The following GSN variants were observed in gnomAD, a reference collection of about 807,000 sequenced individuals.
GSN encodes the protein gelsolin.
GSN carries 56 observed loss-of-function variants against 85.7 expected under a neutral mutation model. The ratio of observed to expected loss-of-function variants is 0.65; its 90% CI spans 0.53 to 0.82. The LOEUF (loss-of-function observed/expected upper bound fraction) is 0.82, where lower values mean the gene tolerates loss of function less well. Ranked by LOEUF, GSN falls within the 40% of genes least tolerant of loss-of-function variation. The pLI is 0.00. For missense variants in GSN, 857 were observed against 979.8 expected (o/e 0.87, Z 1.67); for synonymous variants, 373 against 399.1 (o/e 0.93, Z 0.78).
chr9:121,318,528 G>A lies in GSN; in HGVS notation c.975+34G>A. The A allele has an allele frequency of 1.3e-6, 2 of 1,557,480 alleles. No individual in the cohort carries two copies. The highest frequency in any genetic ancestry group is 1.8e-6 in the Non-Finnish European group (2 of 1,128,272). ...TGGAGGCCAGGTAGGATGGGAAGGG[G>A]TGGGTCCTGTTTGGAGGGGATGGGC... On this transcript the variant is annotated intron_variant, in intron 9 of 17. Coordinates refer to ENST00000432226, the MANE Select transcript of GSN (RefSeq NM_198252.3). The surrounding 1 kb of genome is among the most constrained non-coding windows in gnomAD (Gnocchi z 4.3).
rs2064082505 is a variant in GSN at position 121,332,611 on chromosome 9, C to A, written c.*8C>A. 1 of 1,610,472 alleles carries A rather than the reference C, an allele frequency of 6.2e-7. No individual in the cohort carries two copies. The highest frequency in any genetic ancestry group is 8.5e-7 in the Non-Finnish European group (1 of 1,177,980). On this transcript the variant is annotated 3_prime_UTR_variant, in exon 18 of 18. Coordinates refer to ENST00000432226, the MANE Select transcript of GSN (RefSeq NM_198252.3). The surrounding 1 kb of genome is among the most constrained non-coding windows in gnomAD (Gnocchi z 4.8). ...GCTGAGCTGGCTGCCTGAGGAGGGG[C>A]AGGGCCCACCCATGTCACCGGTCAG...
At chr9:121,288,212 G>A (rs1190614058) in intron 2 of GSN, among the ~76,000 whole-genome samples, 1 of 152,120 alleles carries the variant, frequency 6.6e-6, no homozygotes, top group Non-Finnish European at 1.5e-5. Flanking sequence ...ATAGGCATGA[G>A]CCACCTCACC....
At chr9:121,259,778 G>A (rs2055042674) in intron 6 of GSN, among the ~76,000 whole-genome samples, 1 of 152,206 alleles carries the variant, frequency 6.6e-6, no homozygotes, top group Non-Finnish European at 1.5e-5. Context: ...AAGCCAGACT[G>A]CATCTGCTGT....
intron 1 of GSN, among the ~76,000 whole-genome samples, chr9:121,276,169 A>C (rs908222833): frequency 6.6e-6 from 1 of 152,228 alleles, no homozygotes. Context: ...GGTAAAATAT[A>C]ATGCACTATT....
chr9:121,221,658 C>T lies in GSN; in HGVS notation c.-527-9507C>T, dbSNP rs1367118197. Among the ~76,000 whole-genome samples the T allele has an allele frequency of 2.0e-5, 3 of 152,180 alleles. No homozygotes were observed. In the East Asian group the frequency reaches 5.8e-4, roughly 29 times the overall value. ...GTGTGCCCTCTGCCGGTTCCCTCCC[C>T]TCTTCAGGCCTGTTTTCCCATTCAT... On this transcript the variant is annotated intron_variant, in intron 4 of 24. Coordinates refer to the GSN transcript ENST00000373823.
intron 5 of GSN, 81 bp from the exon 6 acceptor site, chr9:121,312,258 A>C (rs2061234599): frequency 1.3e-6 from 2 of 1,504,130 alleles, no homozygotes; most frequent in East Asian, 4.5e-5. Flanking sequence ...TGCACACCAC[A>C]CGCCACACTC....
At chr9:121,255,569 C>T (rs1053976338) in intron 6 of GSN, among the ~76,000 whole-genome samples, 3 of 152,164 alleles carry the variant, frequency 2.0e-5, no homozygotes, top group Non-Finnish European at 4.4e-5. Flanking sequence ...TTATTTTTAA[C>T]ACATATGCTG....
intron 7 of GSN, 111 bp downstream of exon 7, chr9:121,314,134 A>AG (rs2061467210): frequency 1.2e-6 from 1 of 855,602 alleles, no homozygotes; most frequent in Admixed American, 1.9e-5. Context: ...ACCCCTTTGG[A>AG]GGGGGGCCTC....
chr9:121,302,422 T>C (rs549190144), intron 3 of GSN, among the ~76,000 whole-genome samples: 1 of 152,288 alleles, frequency 6.6e-6, no homozygotes, highest in African/African-American at 2.4e-5. Context: ...AGCTCTGCAC[T>C]ACCTCACAGG....
intron 4 of GSN, among the ~76,000 whole-genome samples, chr9:121,305,874 C>T (rs574810899): frequency 1.3e-5 from 2 of 152,350 alleles, no homozygotes; most frequent in East Asian, 1.9e-4. Context: ...TTATAGATCC[C>T]GGAGGAGCAG....
chr9:121,295,591 CT>C (rs2133027375), intron 2 of GSN, among the ~76,000 whole-genome samples: 1 of 152,290 alleles, frequency 6.6e-6, no homozygotes, highest in Non-Finnish European at 1.5e-5. Flanking sequence ...GCCACCTCCT[CT>C]GGTCTCTGGT....
chr9:121,331,473 G>T (rs187735228), intron 17 of GSN, 25 bp downstream of exon 17: 28 of 1,425,434 alleles, frequency 2.0e-5, no homozygotes, highest in Non-Finnish European at 2.6e-5. Flanking sequence ...GCCTGGGGGC[G>T]GGGGGAGGGG....
intron 2 of GSN, among the ~76,000 whole-genome samples, chr9:121,287,692 CT>C (rs1295502792): frequency 1.6e-5 from 2 of 128,758 alleles, no homozygotes; most frequent in Non-Finnish European, 1.7e-5. Flanking sequence ...CTTTTTTTTT[CT>C]TTTTTTTTTA....
At chr9:121,229,012 C>A (rs1048492180) in intron 4 of GSN, among the ~76,000 whole-genome samples, 1 of 152,138 alleles carries the variant, frequency 6.6e-6, no homozygotes, top group South Asian at 2.1e-4. Context: ...GCCATTGTCA[C>A]GATCAATAAA....
intron 12 of GSN, among the ~76,000 whole-genome samples, chr9:121,325,593 G>A (rs997245100): frequency 6.6e-6 from 1 of 152,160 alleles, no homozygotes; most frequent in Admixed American, 6.5e-5. Context: ...GCGCTGGAGG[G>A]CAGCAGAGCT....
At chr9:121,211,489 G>C (rs1213295998) in intron 4 of GSN, among the ~76,000 whole-genome samples, 1 of 152,156 alleles carries the variant, frequency 6.6e-6, no homozygotes, top group Non-Finnish European at 1.5e-5. Flanking sequence ...CATTTTAGTA[G>C]CTGATACTGC....
chr9:121,218,344 A>G (rs2054105382), intron 4 of GSN, among the ~76,000 whole-genome samples: 1 of 152,180 alleles, frequency 6.6e-6, no homozygotes. Context: ...TTTAAGAGAA[A>G]GGACGAGAGG....
In GSN at chr9:121,282,471, G is replaced by A. The variant is rs767523409; in HGVS notation, c.-10+909G>A. The A allele has an allele frequency of 3.9e-5, 50 of 1,267,224 alleles. No homozygotes were observed. In the Middle Eastern group the frequency reaches 1.5e-3, roughly 39 times the overall value. 78.5% of individuals were successfully genotyped at this position (1,267,224 alleles called of 1,614,324 possible). A position where few individuals can be genotyped will look rare whatever the true frequency, so the allele number is the denominator to read the frequency against. On this transcript the variant is annotated intron_variant, in intron 2 of 17. Coordinates refer to ENST00000432226, the MANE Select transcript of GSN (RefSeq NM_198252.3). The stretch of plus-strand genomic sequence containing the variant: ...GGATGAATGAATACAGGACTTACGC[G>A]TCTGCTGTGGCCCAGCTGGCTTCCA...
At chr9:121,300,167 C>G in intron 2 of GSN, 3 of 1,449,896 alleles carry the variant, frequency 2.1e-6, no homozygotes, top group Non-Finnish European at 2.9e-6. Context: ...GGCTCGCAGA[C>G]GAGGGTGGGA....
Sources: allele counts gnomAD v4.1 joint callset (sites outside exome capture counted in the v4.1 genomes callset), GRCh38; gene constraint gnomAD v4.1.1; non-coding constraint Gnocchi (gnomAD v3.1); transcripts MANE v1.5; gene names NCBI Gene and HGNC (gene_info 2026-07-23, HGNC 2026-07-21).